Variants in EPB41L2 observed in about 807,000 individuals in gnomAD.
The protein encoded by EPB41L2 is band 4.1-like protein 2.
EPB41L2 carries 43 observed loss-of-function variants against 113.0 expected under a neutral mutation model. The observed-to-expected ratio is 0.38, with a 90% confidence interval of 0.30 to 0.49. EPB41L2 has a LOEUF of 0.49. Ranked by LOEUF, EPB41L2 falls within the 20% of genes least tolerant of loss-of-function variation. The probability of loss-of-function intolerance (pLI) is 0.95; values close to 1 mark genes in which losing one functional copy is unlikely to be tolerated. For missense variants in EPB41L2, 1,147 were observed against 1,223.4 expected (o/e 0.94, Z 0.93); for synonymous variants, 442 against 436.7 (o/e 1.01, Z -0.15).
intron 1 of EPB41L2, among the ~76,000 whole-genome samples, chr6:130,960,461 G>A (rs1773195750): frequency 6.6e-6 from 1 of 152,118 alleles, no homozygotes; most frequent in South Asian, 2.1e-4. Flanking sequence ...ATACAGACAG[G>A]AAGAGCACCG....
chr6:131,013,881 G>A (rs780053884), intron 1 of EPB41L2, among the ~76,000 whole-genome samples: 3 of 152,118 alleles, frequency 2.0e-5, no homozygotes, highest in Non-Finnish European at 2.9e-5. Flanking sequence ...CTCATAAAGT[G>A]TGCCACACCA....
intron 1 of EPB41L2, among the ~76,000 whole-genome samples, chr6:131,029,591 A>T (rs1381069021): frequency 1.3e-5 from 2 of 152,190 alleles, no homozygotes; most frequent in Non-Finnish European, 2.9e-5. Flanking sequence ...TAAACTGCCA[A>T]ATTAATTCCA....
intron 19 of EPB41L2, among the ~76,000 whole-genome samples, chr6:130,841,000 A>G (rs1460815734): frequency 6.6e-6 from 1 of 152,150 alleles, no homozygotes; most frequent in African/African-American, 2.4e-5. Flanking sequence ...TTCAGGTGGA[A>G]AAACACAATG....
intron 1 of EPB41L2, among the ~76,000 whole-genome samples, chr6:131,033,655 C>T (rs1792692841): frequency 6.6e-6 from 1 of 152,074 alleles, no homozygotes; most frequent in Admixed American, 6.5e-5. Flanking sequence ...ATTTTGAAAA[C>T]ACTATGCTAA....
At chr6:131,006,178 TC>T (rs2128719364) in intron 1 of EPB41L2, among the ~76,000 whole-genome samples, 1 of 151,676 alleles carries the variant, frequency 6.6e-6, no homozygotes, top group Admixed American at 6.6e-5. Flanking sequence ...TGCCTCAGCC[TC>T]CTGAGTAGCT....
chr6:130,900,918 T>C (rs2128496372), intron 7 of EPB41L2, 44 bp downstream of exon 7: 1 of 1,596,202 alleles, frequency 6.3e-7, no homozygotes, highest in East Asian at 2.2e-5. Flanking sequence ...AGAAGCTATT[T>C]AAATCTCCCA....
chr6:131,053,097 T>C lies in EPB41L2; in HGVS notation c.-15+10058A>G, dbSNP rs191981235. ...TTTTAGTAGAGATGGGGTTTCACCA[T>C]GTTGGCTAGGCTGGTCTCAAACTCC... On this transcript the variant is annotated intron_variant, in intron 1 of 19. Transcript: ENST00000337057. Among the ~76,000 whole-genome samples the C allele has an allele frequency of 7.0e-3, 1,069 of 152,160 alleles. 16 individuals are homozygous for C. Among genetic ancestry groups the C allele is most frequent in the African/African-American group, 0.024 (987 of 41,502 alleles).
chr6:130,944,960 A>C (rs192431268), intron 3 of EPB41L2, among the ~76,000 whole-genome samples: 1 of 152,212 alleles, frequency 6.6e-6, no homozygotes, highest in African/African-American at 2.4e-5. Context: ...TTTAGTAAAT[A>C]CAAATTAAGT....
At chr6:130,971,519 C>T (rs777747117) in intron 1 of EPB41L2, among the ~76,000 whole-genome samples, 27 of 152,322 alleles carry the variant, frequency 1.8e-4, no homozygotes, top group Non-Finnish European at 3.2e-4. Flanking sequence ...GATAGTCAGT[C>T]TGATCACCAA....
chr6:130,995,056 G>T (rs1782758921), intron 1 of EPB41L2, among the ~76,000 whole-genome samples: 1 of 152,208 alleles, frequency 6.6e-6, no homozygotes, highest in African/African-American at 2.4e-5. Flanking sequence ...AAACAGGCCG[G>T]CCAGGCGTGG....
At chr6:130,886,212 G>A (rs1790918308) in intron 11 of EPB41L2, among the ~76,000 whole-genome samples, 1 of 152,150 alleles carries the variant, frequency 6.6e-6, no homozygotes, top group South Asian at 2.1e-4. Context: ...TGGAGGGCAG[G>A]ATTGTGTGTG....
intron 1 of EPB41L2, among the ~76,000 whole-genome samples, chr6:130,999,933 G>A (rs925681738): frequency 1.3e-5 from 2 of 152,120 alleles, no homozygotes; most frequent in Non-Finnish European, 2.9e-5. Context: ...TTTCTCATTT[G>A]CATAAACATG....
At chr6:130,950,206 GCA>G (rs780918115) in intron 3 of EPB41L2, among the ~76,000 whole-genome samples, 1 of 152,044 alleles carries the variant, frequency 6.6e-6, no homozygotes, top group Non-Finnish European at 1.5e-5. Context: ...ATTAGAAAAA[GCA>G]CAGTTATCCC....
chr6:131,016,944 T>TA (rs1161615465), intron 1 of EPB41L2, among the ~76,000 whole-genome samples: 1 of 152,170 alleles, frequency 6.6e-6, no homozygotes, highest in Non-Finnish European at 1.5e-5. Flanking sequence ...TAGTTACATT[T>TA]AAAATAACAC....
At chr6:130,902,022 G>A (rs1796432897) in intron 6 of EPB41L2, among the ~76,000 whole-genome samples, 1 of 152,186 alleles carries the variant, frequency 6.6e-6, no homozygotes, top group Non-Finnish European at 1.5e-5. Context: ...TATACCCTGT[G>A]GGTTTCCCCC....
chr6:130,904,436 G>A (rs1380739669), intron 6 of EPB41L2, 29 bp downstream of exon 6: 7 of 1,472,764 alleles, frequency 4.8e-6, no homozygotes, highest in Non-Finnish European at 4.7e-6. Context: ...GTAAGGAAAG[G>A]TTCATTTAAA....
chr6:131,051,452 C>CAAAAAAAAAAAAAAA (rs547631535), intron 1 of EPB41L2, among the ~76,000 whole-genome samples: 1 of 101,788 alleles, frequency 9.8e-6, no homozygotes, highest in Admixed American at 9.7e-5. Flanking sequence ...AAAAGTAAAG[C>CAAAAAAAAAAAAAAA]AAAAAAAAAA....
rs1016380028 is a variant in EPB41L2, at chr6:130,944,478, C to G, written c.705+10627G>C. ...GAAACAACATCAGCATGAGAAAAATCAAACAATACAAGAGTTTAGCAGTTG... is the reference window on the plus strand; with the variant it reads ...GAAACAACATCAGCATGAGAAAAATGAAACAATACAAGAGTTTAGCAGTTG... On this transcript the variant is annotated intron_variant, in intron 3 of 19. Coordinates refer to ENST00000337057, the MANE Select transcript of EPB41L2 (RefSeq NM_001431.4). Among the ~76,000 whole-genome samples the G allele has an allele frequency of 2.0e-5, 3 of 152,042 alleles. No homozygotes were observed. In the South Asian group the frequency reaches 6.2e-4, roughly 32 times the overall value.
intron 4 of EPB41L2, among the ~76,000 whole-genome samples, chr6:130,925,176 A>G (rs1291135168): frequency 6.7e-6 from 1 of 148,852 alleles, no homozygotes; most frequent in Non-Finnish European, 1.5e-5. Context: ...TTTCAAAAAT[A>G]TCAGATTTCT....
Sources: allele counts gnomAD v4.1 joint callset (sites outside exome capture counted in the v4.1 genomes callset), GRCh38; gene constraint gnomAD v4.1.1; transcripts MANE v1.5; gene names NCBI Gene and HGNC (gene_info 2026-07-23, HGNC 2026-07-21).